RIMS2: variants seen among roughly 807,000 people sequenced by gnomAD.
RIMS2 encodes regulating synaptic membrane exocytosis 2, also known as regulating synaptic membrane exocytosis protein 2.
Under a neutral mutation model 174.4 loss-of-function variants are expected in RIMS2, and 59 were observed. The ratio of observed to expected loss-of-function variants is 0.34; its 90% confidence interval spans 0.27 to 0.42. The LOEUF (loss-of-function observed/expected upper bound fraction) is 0.42, where lower values mean the gene tolerates loss of function less well. Ranked by LOEUF, RIMS2 falls within the 10% of genes least tolerant of loss-of-function variation. RIMS2 has a pLI of 1.00. For missense variants in RIMS2, 1,620 were observed against 1,666.3 expected, an observed-to-expected ratio of 0.97 and a Z score of 0.48; for synonymous variants, 606 against 572.5, an observed-to-expected ratio of 1.06 and a Z score of -0.84.
At chr8:103,962,055 A>AT (rs111795376) in intron 15 of RIMS2, among the ~76,000 whole-genome samples, 7 of 152,136 alleles carry the variant, frequency 4.6e-5, no homozygotes, top group East Asian at 3.9e-4. Flanking sequence ...GAGATCATTA[A>AT]TTTTTTTTTC....
In RIMS2 at chr8:104,079,598, G is replaced by GATATAT. The variant is rs5893676; in HGVS notation, c.3334+65022_3334+65027dup. ...TCACATAACTGAAAGGATTAAGCAT[G>GATATAT]ATATATATATATATATATATATATA... On this transcript the variant is annotated intron_variant, in intron 19 of 23. Transcript: ENST00000504942. 7.9e-3 allele frequency among the ~76,000 whole-genome samples: 400 copies of GATATAT among 50,928 alleles called. 21 individuals carry two copies. Among genetic ancestry groups the GATATAT allele is most frequent in the Non-Finnish European group, 0.01 (251 of 24,212 alleles). 33.4% of individuals were successfully genotyped at this position (50,928 alleles called of 152,430 possible). A position where few individuals can be genotyped will look rare whatever the true frequency, so the allele number is the denominator to read the frequency against.
intron 2 of RIMS2, among the ~76,000 whole-genome samples, chr8:103,702,149 C>T (rs2097174577): frequency 6.6e-6 from 1 of 152,074 alleles, no homozygotes; most frequent in Admixed American, 6.6e-5. Flanking sequence ...GATGACATCA[C>T]ATTGTGGCTT....
intron 19 of RIMS2, among the ~76,000 whole-genome samples, chr8:104,102,933 A>G (rs1452013537): frequency 1.3e-5 from 2 of 152,210 alleles, no homozygotes; most frequent in Non-Finnish European, 2.9e-5. Context: ...AGCATAAAAT[A>G]TGAGTAGTCA....
intron 1 of RIMS2, among the ~76,000 whole-genome samples, chr8:103,547,542 T>C (rs1845689631): frequency 6.6e-6 from 1 of 152,118 alleles, no homozygotes; most frequent in Non-Finnish European, 1.5e-5. Flanking sequence ...TGCTAAATGT[T>C]CACATAAAAA....
chr8:104,161,242 G>A (rs1444018179), intron 19 of RIMS2, among the ~76,000 whole-genome samples: 2 of 152,108 alleles, frequency 1.3e-5, no homozygotes, highest in Admixed American at 6.5e-5. Context: ...TTGTTGCCAG[G>A]GTACCAATTG....
At chr8:103,966,038 G>A (rs1360806976) in intron 15 of RIMS2, among the ~76,000 whole-genome samples, 1 of 152,040 alleles carries the variant, frequency 6.6e-6, no homozygotes, top group African/African-American at 2.4e-5. Flanking sequence ...TGGATTCAGT[G>A]TGCTAACATT....
chr8:103,806,608 A>G lies in RIMS2; in HGVS notation c.698+40071A>G, dbSNP rs114654630. 3.7e-3 allele frequency among the ~76,000 whole-genome samples: 569 copies of G among 151,784 alleles called. 8 individuals are homozygous for G. Among genetic ancestry groups the G allele is most frequent in the African/African-American group, 0.013 (540 of 41,458 alleles). The stretch of plus-strand genomic sequence containing the variant: ...AGGGTTTAAACATGGAAGGAGCATG[A>G]TATTATTTTGTGTGTGTGTGTGTGT... On this transcript the variant is annotated intron_variant, in intron 3 of 23. Coordinates refer to ENST00000504942, the Ensembl canonical transcript of RIMS2.
intron 1 of RIMS2, among the ~76,000 whole-genome samples, chr8:103,625,972 C>G (rs1198586885): frequency 6.6e-6 from 1 of 151,722 alleles, no homozygotes; most frequent in African/African-American, 2.4e-5. Context: ...AGGGTATGAA[C>G]TCCTTGAGAA....
chr8:103,607,733 C>T (rs1451108064), intron 1 of RIMS2, among the ~76,000 whole-genome samples: 1 of 133,860 alleles, frequency 7.5e-6, no homozygotes, highest in African/African-American at 2.9e-5. Flanking sequence ...CTTCCCTTCT[C>T]ACTTCATTTC....
At chr8:103,754,291 C>T (rs200445169) in intron 2 of RIMS2, among the ~76,000 whole-genome samples, 1 of 151,964 alleles carries the variant, frequency 6.6e-6, no homozygotes, top group East Asian at 1.9e-4. Context: ...GTGGTCTGAG[C>T]GACAGTTTGT....
intron 1 of RIMS2, among the ~76,000 whole-genome samples, chr8:103,516,742 A>G (rs1829182401): frequency 6.6e-6 from 1 of 152,190 alleles, no homozygotes; most frequent in African/African-American, 2.4e-5. Context: ...TATATTAGAC[A>G]AAGAACTTCA....
intron 16 of RIMS2, among the ~76,000 whole-genome samples, chr8:103,986,849 G>T (rs922682436): frequency 6.6e-6 from 1 of 151,060 alleles, no homozygotes; most frequent in African/African-American, 2.4e-5. Context: ...CTCCAACCTG[G>T]GCAAGAAGAG....
chr8:103,824,963 G>A (rs968109289), intron 3 of RIMS2, among the ~76,000 whole-genome samples: 122 of 152,262 alleles, frequency 8.0e-4, no homozygotes, highest in African/African-American at 2.8e-3. Flanking sequence ...TTTATGTTGG[G>A]TAGTATTGAA....
rs1263032260 is a variant in RIMS2 at position 104,079,600 on chromosome 8, TATATATATATATATATA to T, written c.3334+64986_3334+65002del. 1.7e-4 allele frequency among the ~76,000 whole-genome samples: 6 copies of T among 36,010 alleles called. 1 individual carries two copies. Among genetic ancestry groups the T allele is most frequent in the African/African-American group, 7.2e-4 (6 of 8,314 alleles). The allele number at this position is 36,010 out of a possible 152,430, so 23.6% of individuals were successfully genotyped here. A position where few individuals can be genotyped will look rare whatever the true frequency, so the allele number is the denominator to read the frequency against. ...ACATAACTGAAAGGATTAAGCATGA[TATATATATATATATATA>T]TATATATATATATATATATATATAT... On this transcript the variant is annotated intron_variant, in intron 19 of 23. Coordinates refer to ENST00000504942, the Ensembl canonical transcript of RIMS2.
intron 19 of RIMS2, among the ~76,000 whole-genome samples, chr8:104,232,423 T>G (rs368342629): frequency 6.6e-6 from 1 of 152,358 alleles, no homozygotes; most frequent in East Asian, 1.9e-4. Context: ...ACATGTTTCC[T>G]TTCAGGTGCC....
Position 104,059,846 on chromosome 8 carries a change from T to G in RIMS2, c.3334+45231T>G, listed in dbSNP as rs985744895. On this transcript the variant is annotated intron_variant, in intron 19 of 23. Transcript: ENST00000504942. The stretch of plus-strand genomic sequence containing the variant: ...AAATAATCATGTGGTTTTTGTCTTT[T>G]GTTCTGTTTATATGCTGGATTACAT... 1.8e-4 allele frequency among the ~76,000 whole-genome samples: 27 copies of G among 152,274 alleles called. 2 individuals carry two copies. The highest frequency in any genetic ancestry group is 1.1e-3 in the Admixed American group (17 of 15,294).
chr8:103,701,240 A>T (rs1041817143), intron 2 of RIMS2, among the ~76,000 whole-genome samples: 3 of 152,076 alleles, frequency 2.0e-5, no homozygotes, highest in Admixed American at 6.5e-5. Context: ...TGATTGTGGA[A>T]TTCTTGGTTA....
chr8:103,696,684 C>T (rs1038127540), intron 1 of RIMS2, among the ~76,000 whole-genome samples: 2 of 151,520 alleles, frequency 1.3e-5, no homozygotes, highest in East Asian at 1.9e-4. Flanking sequence ...CTGGCCATGG[C>T]GAAACTGCAT....
downstream of RIMS2, chr8:104,254,546 A>G (rs1588329365): frequency 6.6e-6 from 1 of 152,228 alleles, no homozygotes; most frequent in African/African-American, 2.4e-5. Context: ...CTTCTCGATA[A>G]CATAAGTGGA....
Sources: allele counts gnomAD v4.1 joint callset (sites outside exome capture counted in the v4.1 genomes callset), GRCh38; gene constraint gnomAD v4.1.1; transcripts MANE v1.5; gene names NCBI Gene and HGNC (gene_info 2026-07-23, HGNC 2026-07-21).